SIX1: variants seen among roughly 807,000 people sequenced by gnomAD.
SIX1 encodes SIX homeobox 1.
Under a neutral mutation model 26.5 loss-of-function variants are expected in SIX1, and 11 were observed. The ratio of observed to expected loss-of-function variants is 0.41; its 90% CI spans 0.26 to 0.69. SIX1 has a LOEUF of 0.69. Ranked by LOEUF, SIX1 falls within the 30% of genes least tolerant of loss-of-function variation. SIX1 has a pLI of 0.28. For missense variants in SIX1, 333 were observed against 365.9 expected (o/e 0.91, Z 0.73); for synonymous variants, 177 against 166.2 (o/e 1.06, Z -0.50).
rs1274932721 is a variant in SIX1, at chr14:60,645,506, G to GTT, written c.*775_*776dup. ...TTTTTCACATTGGTACATTTTTAGA[G>GTT]TTTGTCATTTAAAAAAAAAAAACCC... On this transcript the variant is annotated 3_prime_UTR_variant, in exon 2 of 2. Transcript: ENST00000645694. This position sits in a 1 kb window ranked among gnomAD's most constrained non-coding sequence, Gnocchi z 4.6. The GTT allele has an allele frequency of 1.1e-5, 1 of 94,876 alleles. No homozygotes were observed. The highest frequency in any genetic ancestry group is 3.5e-5 in the African/African-American group (1 of 28,618). The allele number at this position is 94,876 out of a possible 1,614,324, so 5.9% of individuals were successfully genotyped here.
At chr14:60,646,700 G>A in intron 1 of SIX1, 123 bp from the exon 2 acceptor site, 1 of 850,036 alleles carries the variant, frequency 1.2e-6, no homozygotes, top group East Asian at 2.6e-5. Flanking sequence ...TGTGCAATCT[G>A]TCACCAACCC....
chr14:60,649,196 G>C lies in SIX1; in HGVS notation c.-7C>G. ...ACGACGGCAGCATCGACATGGCTGG[G>C]GCCTGCCGGGGCGCACGGCCCAGGC... On this transcript the variant is annotated 5_prime_UTR_variant, in exon 1 of 2. Transcript: ENST00000645694. The surrounding 1 kb of genome is among the most constrained non-coding windows in gnomAD (Gnocchi z 5.1). 6.2e-7 allele frequency: 1 copy of C among 1,604,356 alleles called. No homozygotes were observed.
rs1009804624 is a variant in SIX1, at chr14:60,649,117, C to T, written c.73G>A (p.Gly25Arg). 6.2e-7 allele frequency: 1 copy of T among 1,612,998 alleles called. No individual in the cohort carries two copies. The highest frequency in any genetic ancestry group is 1.7e-5 in the Admixed American group (1 of 59,968). ...AACCTGCCCAGGCGCTCCAGGTTTC[C>T]GCCTTGCTGCAGAACCTCGCACACG... is the stretch of plus-strand genomic sequence containing the variant. ...ACVCEVLQQGGNLERLGRFLW... is the reference protein window; with the variant it reads ...ACVCEVLQQGRNLERLGRFLW... The change falls in exon 1 of 2, where the codon GGA becomes AGA. Residue 25 changes from glycine to arginine, a missense_variant. Physicochemically the swap from Gly to Arg is moderately radical, Grantham distance 125. Around this residue, in one of 3 missense-constraint regions of SIX1, gnomAD observed 133 missense variants for 131.8 expected, o/e 1.01. Coordinates refer to ENST00000645694, the MANE Select transcript of SIX1 (RefSeq NM_005982.4). The surrounding 1 kb of genome is among the most constrained non-coding windows in gnomAD (Gnocchi z 5.1).
Position 60,646,282 on chromosome 14 carries a change from C to T in SIX1, c.*1G>A. 1 of 1,611,940 alleles carries T rather than the reference C, an allele frequency of 6.2e-7. No homozygotes were observed. Among genetic ancestry groups the T allele is most frequent in the Non-Finnish European group, 8.5e-7 (1 of 1,179,046 alleles). On this transcript the variant is annotated 3_prime_UTR_variant, in exon 2 of 2. Transcript: ENST00000645694. ...CCTTCGAGGCCCCAGTCCCTCCCCA[C>T]TTAGGACCCCAAGTCCACCAGACTG...
chr14:60,648,959 A>G lies in SIX1; in HGVS notation c.231T>C (p.Pro77=), dbSNP rs756109319. Reference sequence around the variant, plus strand: ...GTTGCTGCAGTTTGGGGTGGTTGTGAGGCGAGAACTGGTGGCTCTCCAGGA... The same window carrying G: ...GTTGCTGCAGTTTGGGGTGGTTGTGGGGCGAGAACTGGTGGCTCTCCAGGA... The part of the protein sequence containing the change: ...YKILESHQFS[P]HNHPKLQQLW... The change falls in exon 1 of 2, where the codon CCT becomes CCC. Residue 77 remains proline (P), a synonymous_variant. Transcript: ENST00000645694. The surrounding 1 kb of genome is among the most constrained non-coding windows in gnomAD (Gnocchi z 7.9). The G allele has an allele frequency of 1.2e-6, 2 of 1,614,136 alleles. No individual in the cohort carries two copies. Among genetic ancestry groups the G allele is most frequent in the Non-Finnish European group, 1.7e-6 (2 of 1,180,012 alleles).
chr14:60,648,602 C>T lies in SIX1; in HGVS notation c.560+28G>A, dbSNP rs1353094548. ...GAGAAAGGACGGCTTCCTAGGGTCG[C>T]CCGAGTCGCGGGAAGCACGCCGCGT... On this transcript the variant is annotated intron_variant, in intron 1 of 1. Transcript: ENST00000645694. This position sits in a 1 kb window ranked among gnomAD's most constrained non-coding sequence, Gnocchi z 7.9. 1.3e-6 allele frequency: 2 copies of T among 1,590,492 alleles called. No homozygotes were observed. The highest frequency in any genetic ancestry group is 1.1e-5 in the South Asian group (1 of 88,620).
chr14:60,649,270 G>C lies in SIX1; in HGVS notation c.-81C>G, dbSNP rs927343418. On this transcript the variant is annotated 5_prime_UTR_variant, in exon 1 of 2. Transcript: ENST00000645694. This position sits in a 1 kb window ranked among gnomAD's most constrained non-coding sequence, Gnocchi z 5.1. Reference sequence around the variant, plus strand: ...AGAGGCAGGGGGCGGCGGCCGCAGGGAGGGGGGCGCGGCTGTTCCTAACCT... The same window carrying C: ...AGAGGCAGGGGGCGGCGGCCGCAGGCAGGGGGGCGCGGCTGTTCCTAACCT... The C allele has an allele frequency of 1.5e-6, 2 of 1,320,956 alleles. No homozygotes were observed. The highest frequency in any genetic ancestry group is 2.9e-5 in the African/African-American group (2 of 69,176). 81.8% of individuals were successfully genotyped at this position (1,320,956 alleles called of 1,614,324 possible).
chr14:60,649,335 C>T lies in SIX1; in HGVS notation c.-146G>A, dbSNP rs1323532128. On this transcript the variant is annotated 5_prime_UTR_variant, in exon 1 of 2. Coordinates refer to ENST00000645694, the MANE Select transcript of SIX1 (RefSeq NM_005982.4). The surrounding 1 kb of genome is among the most constrained non-coding windows in gnomAD (Gnocchi z 5.1). ...GCAAAGGCGAAAACCGGAGTCGGAA[C>T]TTGGCGGTGGGCGGCCAAGGAAGAG... 5 of 684,970 alleles carry T rather than the reference C, an allele frequency of 7.3e-6. No individual in the cohort carries two copies. Among genetic ancestry groups the T allele is most frequent in the South Asian group, 5.6e-5 (3 of 53,720 alleles). The allele number at this position is 684,970 out of a possible 1,614,324, so 42.4% of individuals were successfully genotyped here.
Position 60,648,913 on chromosome 14 carries a change from C to A in SIX1, c.277G>T (p.Val93Leu). 5.0e-6 allele frequency: 8 copies of A among 1,614,218 alleles called. No individual in the cohort carries two copies. The highest frequency in any genetic ancestry group is 6.8e-6 in the Non-Finnish European group (8 of 1,180,042). ...CGGCCGCGCAGCTTCTCGGCCTCCA[C>A]GTAATGCGCCTTCAGCCACAGTTGC... ...LQQLWLKAHY[V>L]EAEKLRGRPL... Residue 93 changes from valine to leucine, a missense_variant, in exon 1 of 2, where the codon GTG (valine) becomes TTG (leucine). By Grantham distance (32) the Val-to-Leu change is conservative (BLOSUM62 1). This residue lies in a region of SIX1 where 133 missense variants were observed against 131.8 expected (regional missense o/e 1.01). Coordinates refer to ENST00000645694, the MANE Select transcript of SIX1 (RefSeq NM_005982.4). This position sits in a 1 kb window ranked among gnomAD's most constrained non-coding sequence, Gnocchi z 7.9.
rs1317020969 is a variant in SIX1, at chr14:60,649,371, A to C, written c.-182T>G. Reference sequence around the variant, plus strand: ...GCGGCCAAGGAAGAGAAGGCGGAGGAGTAGGGGAGGTTCTGGACACGGAAC... The same window carrying C: ...GCGGCCAAGGAAGAGAAGGCGGAGGCGTAGGGGAGGTTCTGGACACGGAAC... On this transcript the variant is annotated 5_prime_UTR_variant, in exon 1 of 2. Transcript: ENST00000645694. The surrounding 1 kb of genome is among the most constrained non-coding windows in gnomAD (Gnocchi z 5.1). The C allele has an allele frequency of 1.7e-6, 1 of 605,204 alleles. No homozygotes were observed. Among genetic ancestry groups the C allele is most frequent in the East Asian group, 2.8e-5 (1 of 35,758 alleles). 37.5% of individuals were successfully genotyped at this position (605,204 alleles called of 1,614,324 possible). A position where few individuals can be genotyped will look rare whatever the true frequency, so the allele number is the denominator to read the frequency against.
chr14:60,646,599 CAT>C (rs1894946958), intron 1 of SIX1, 22 bp from the exon 2 acceptor site: 4 of 1,005,644 alleles, frequency 4.0e-6, no homozygotes, highest in Non-Finnish European at 4.3e-6. Flanking sequence ...AGGACAACAC[CAT>C]ATGGTTAAAA....
In SIX1 at chr14:60,647,438, G is replaced by T. The variant is rs1057315164; in HGVS notation, c.561-861C>A. Among the ~76,000 whole-genome samples the T allele has an allele frequency of 1.3e-5, 2 of 152,194 alleles. No homozygotes were observed. The highest frequency in any genetic ancestry group is 4.8e-5 in the African/African-American group (2 of 41,466). On this transcript the variant is annotated intron_variant, in intron 1 of 1. Transcript: ENST00000645694. The surrounding 1 kb of genome is among the most constrained non-coding windows in gnomAD (Gnocchi z 5.1). Reference sequence around the variant, plus strand: ...GCGGCGCGCTGGGGCGTCAGTCCGGGCACTCGGTACCGGTTAACTTCAGGA... The same window carrying T: ...GCGGCGCGCTGGGGCGTCAGTCCGGTCACTCGGTACCGGTTAACTTCAGGA...
Position 60,647,443 on chromosome 14 carries a change from C to A in SIX1, c.561-866G>T, listed in dbSNP as rs897442793. Among the ~76,000 whole-genome samples the A allele has an allele frequency of 1.3e-5, 2 of 152,318 alleles. No individual in the cohort carries two copies. The highest frequency in any genetic ancestry group is 1.9e-4 in the East Asian group (1 of 5,172). ...GCGCTGGGGCGTCAGTCCGGGCACT[C>A]GGTACCGGTTAACTTCAGGATTTCG... On this transcript the variant is annotated intron_variant, in intron 1 of 1. Transcript: ENST00000645694. This position sits in a 1 kb window ranked among gnomAD's most constrained non-coding sequence, Gnocchi z 5.1.
Position 60,647,465 on chromosome 14 carries a change from T to G in SIX1, c.561-888A>C, listed in dbSNP as rs1338554595. 6.6e-6 allele frequency among the ~76,000 whole-genome samples: 1 copy of G among 152,134 alleles called. No homozygotes were observed. The highest frequency in any genetic ancestry group is 1.5e-5 in the Non-Finnish European group (1 of 68,006). On this transcript the variant is annotated intron_variant, in intron 1 of 1. Coordinates refer to ENST00000645694, the MANE Select transcript of SIX1 (RefSeq NM_005982.4). This position sits in a 1 kb window ranked among gnomAD's most constrained non-coding sequence, Gnocchi z 5.1. ...ACTCGGTACCGGTTAACTTCAGGATTTCGCTTCCCTCGCCGCTTCCGCCTT... is the reference window on the plus strand; with the variant it reads ...ACTCGGTACCGGTTAACTTCAGGATGTCGCTTCCCTCGCCGCTTCCGCCTT...
chr14:60,648,648 G>T lies in SIX1; in HGVS notation c.542C>A (p.Ala181Asp). 6.2e-7 allele frequency: 1 copy of T among 1,613,724 alleles called. No homozygotes were observed. The highest frequency in any genetic ancestry group is 8.5e-7 in the Non-Finnish European group (1 of 1,179,834). ...WFKNRRQRDR[A>D]AEAKERENTE... is the part of the protein sequence containing the mutation. ...CGCGTACCTTTCCTTGGCCTCCGCG[G>T]CCCGGTCTCTTTGCCTCCGGTTCTT... Residue 181 changes from alanine to aspartate, a missense_variant, in exon 1 of 2, where the codon GCC (alanine) becomes GAC (aspartate). By Grantham distance (126) the Ala-to-Asp change is moderately radical. Transcript: ENST00000645694. This position sits in a 1 kb window ranked among gnomAD's most constrained non-coding sequence, Gnocchi z 7.9.
At position 60,649,219 on chromosome 14, in the gene SIX1, G is replaced by C. The variant is rs777941410; in HGVS notation, c.-30C>G. 6.3e-7 allele frequency: 1 copy of C among 1,596,404 alleles called. No homozygotes were observed. The highest frequency in any genetic ancestry group is 8.5e-7 in the Non-Finnish European group (1 of 1,176,612). On this transcript the variant is annotated 5_prime_UTR_variant, in exon 1 of 2. Transcript: ENST00000645694. This position sits in a 1 kb window ranked among gnomAD's most constrained non-coding sequence, Gnocchi z 5.1. The stretch of plus-strand genomic sequence containing the variant: ...GGGGCCTGCCGGGGCGCACGGCCCA[G>C]GCGCACGCGGCAGGGAGCAGAGCCG...
chr14:60,647,444 G>C lies in SIX1; in HGVS notation c.561-867C>G, dbSNP rs1446863726. Reference sequence around the variant, plus strand: ...CGCTGGGGCGTCAGTCCGGGCACTCGGTACCGGTTAACTTCAGGATTTCGC... The same window carrying C: ...CGCTGGGGCGTCAGTCCGGGCACTCCGTACCGGTTAACTTCAGGATTTCGC... On this transcript the variant is annotated intron_variant, in intron 1 of 1. Coordinates refer to ENST00000645694, the MANE Select transcript of SIX1 (RefSeq NM_005982.4). The surrounding 1 kb of genome is among the most constrained non-coding windows in gnomAD (Gnocchi z 5.1). Among the ~76,000 whole-genome samples the C allele has an allele frequency of 6.6e-6, 1 of 152,204 alleles. No homozygotes were observed. Among genetic ancestry groups the C allele is most frequent in the Non-Finnish European group, 1.5e-5 (1 of 68,036 alleles).
At position 60,643,532 on chromosome 14, in the gene SIX1, G is replaced by A. The variant is rs1894894218; in HGVS notation, c.*2751C>T. ...CTACCGTTATGACATCTGTAGAGGAGAAACGAAAAGTGGCTTTAGATTCAG... is the reference window on the plus strand; with the variant it reads ...CTACCGTTATGACATCTGTAGAGGAAAAACGAAAAGTGGCTTTAGATTCAG... On this transcript the variant is annotated 3_prime_UTR_variant, in exon 2 of 2. Coordinates refer to ENST00000645694, the MANE Select transcript of SIX1 (RefSeq NM_005982.4). 1 of 151,770 alleles carries A rather than the reference G, an allele frequency of 6.6e-6. No individual in the cohort carries two copies. The highest frequency in any genetic ancestry group is 1.9e-4 in the East Asian group (1 of 5,162). 9.4% of individuals were successfully genotyped at this position (151,770 alleles called of 1,614,324 possible). A position where few individuals can be genotyped will look rare whatever the true frequency, so the allele number is the denominator to read the frequency against.
In SIX1 at chr14:60,646,017, GTTTT is replaced by G. The variant is rs112733948; in HGVS notation, c.*262_*265del. The G allele has an allele frequency of 4.8e-4, 93 of 193,414 alleles. No individual in the cohort carries two copies. The highest frequency in any genetic ancestry group is 1.7e-3 in the Middle Eastern group (1 of 592). The allele number at this position is 193,414 out of a possible 1,614,324, so 12.0% of individuals were successfully genotyped here. Reference sequence around the variant, plus strand: ...TGCCTGGGTGCTTTTGTTTGTTTGGGTTTTTTTTTTTTTTTTTCCCTGATCTCTG... The same window carrying G: ...TGCCTGGGTGCTTTTGTTTGTTTGGGTTTTTTTTTTTTTCCCTGATCTCTG... On this transcript the variant is annotated 3_prime_UTR_variant, in exon 2 of 2. Transcript: ENST00000645694.
Sources: gnomAD v4.1 joint callset for allele counts (sites outside exome capture counted in the v4.1 genomes callset) on GRCh38, gnomAD v4.1.1 for gene constraint, gnomAD v4.1.1 regional missense constraint, Gnocchi (gnomAD v3.1) non-coding constraint, MANE v1.5 for transcripts, NCBI Gene and HGNC (gene_info 2026-07-23, HGNC 2026-07-21) for gene names.